VTI1B: variants seen among roughly 807,000 people sequenced by gnomAD.
VTI1B encodes vesicle transport through interaction with t-SNAREs 1B, also known as vesicle transport through interaction with t-SNAREs homolog 1B.
Under a neutral mutation model 28.6 loss-of-function variants are expected in VTI1B, and 18 were observed. That is an observed-to-expected ratio of 0.63 (90% CI 0.43 to 0.93). The LOEUF (loss-of-function observed/expected upper bound fraction) is 0.93. Ranked by LOEUF, VTI1B falls within the 40% of genes least tolerant of loss-of-function variation. The pLI, the probability that VTI1B is intolerant of heterozygous loss-of-function variation, is 0.00. For synonymous variants in VTI1B, 100 were observed against 107.9 expected (o/e 0.93, Z 0.46); for missense variants, 283 against 297.0 (o/e 0.95, Z 0.35).
chr14:67,670,653 T>C (rs2037454469), intron 1 of VTI1B, among the ~76,000 whole-genome samples: 1 of 151,992 alleles, frequency 6.6e-6, no homozygotes, highest in South Asian at 2.1e-4. Context: ...CTCAGCCTCC[T>C]GAGTAGCTGG....
In VTI1B at chr14:67,650,844, G is replaced by A. The variant is rs1243522412; in HGVS notation, c.*541C>T. 1 of 1,613,928 alleles carries A rather than the reference G, an allele frequency of 6.2e-7. No individual in the cohort carries two copies. Among genetic ancestry groups the A allele is most frequent in the East Asian group, 2.2e-5 (1 of 44,840 alleles). ...AGCTTTGGTCAGACAAGAGAAGGAG[G>A]GCATATTGTCTATGACCAACTTCCT... is the stretch of plus-strand genomic sequence containing the variant. On this transcript the variant is annotated 3_prime_UTR_variant, in exon 6 of 6. Transcript: ENST00000554659.
chr14:67,665,842 T>C (rs2037395822), intron 1 of VTI1B, among the ~76,000 whole-genome samples: 1 of 152,080 alleles, frequency 6.6e-6, no homozygotes, highest in South Asian at 2.1e-4. Context: ...ACAAAACCCA[T>C]GGCTGTTTGT....
At position 67,651,023 on chromosome 14, in the gene VTI1B, A is replaced by G. The variant is rs1244174036; in HGVS notation, c.*362T>C. ...TGGTTGTCTGGGTCAATACTGCCTT[A>G]ATGAGAACATTTACACATTCTCACA... On this transcript the variant is annotated 3_prime_UTR_variant, in exon 6 of 6. Coordinates refer to ENST00000554659, the MANE Select transcript of VTI1B (RefSeq NM_006370.3). 5.8e-6 allele frequency: 7 copies of G among 1,199,548 alleles called. No individual in the cohort carries two copies. Among genetic ancestry groups the G allele is most frequent in the Non-Finnish European group, 7.1e-6 (6 of 840,512 alleles). 74.3% of individuals were successfully genotyped at this position (1,199,548 alleles called of 1,614,324 possible). A position where few individuals can be genotyped will look rare whatever the true frequency, so the allele number is the denominator to read the frequency against.
chr14:67,666,459 C>T (rs2037403071), intron 1 of VTI1B, among the ~76,000 whole-genome samples: 1 of 152,196 alleles, frequency 6.6e-6, no homozygotes, highest in South Asian at 2.1e-4. Flanking sequence ...TACAGAACTT[C>T]ACTACATTTA....
At chr14:67,658,092 A>G (rs2037288020) in intron 3 of VTI1B, among the ~76,000 whole-genome samples, 1 of 152,170 alleles carries the variant, frequency 6.6e-6, no homozygotes, top group South Asian at 2.1e-4. Flanking sequence ...AGACCAGTAG[A>G]CGAGGAAACC....
In VTI1B at chr14:67,660,350, C is replaced by T. The variant is rs564762189; in HGVS notation, c.175-428G>A. Among the ~76,000 whole-genome samples the T allele has an allele frequency of 1.0e-3, 155 of 152,054 alleles. 1 individual carries two copies. Among genetic ancestry groups the T allele is most frequent in the Non-Finnish European group, 1.7e-3 (118 of 67,974 alleles). On this transcript the variant is annotated intron_variant, in intron 2 of 5. Transcript: ENST00000554659. ...CTGTAATCCTGGCACTTTGGGAAGC[C>T]GAGGCAGGAGGATCACTTGAGCACA...
At chr14:67,674,030 T>C (rs1376824794) in intron 1 of VTI1B, among the ~76,000 whole-genome samples, 1 of 152,246 alleles carries the variant, frequency 6.6e-6, no homozygotes, top group East Asian at 1.9e-4. Context: ...GTCTTGAGAC[T>C]AGTGCTTTTA....
In VTI1B at chr14:67,656,442, C is replaced by G; in HGVS notation, c.514G>C (p.Asp172His). Residue 172 changes from aspartate to histidine, a missense_variant, in exon 4 of 6, where the codon GAC becomes CAC. Physicochemically the swap from Asp to His is moderately conservative, Grantham distance 81. Transcript: ENST00000554659. ...EIIEELGEQR[D>H]QLERTKSRLV... ...CTACTCTTGGTACGTTCTAACTGGT[C>G]TCGTTGTTCCCCCAGCTCTTCTATG... is the stretch of plus-strand genomic sequence containing the variant. 3 of 1,613,276 alleles carry G rather than the reference C, an allele frequency of 1.9e-6. No homozygotes were observed. Among genetic ancestry groups the G allele is most frequent in the Non-Finnish European group, 2.5e-6 (3 of 1,179,598 alleles).
chr14:67,662,024 C>T (rs1024706691), intron 2 of VTI1B, among the ~76,000 whole-genome samples: 69 of 152,040 alleles, frequency 4.5e-4, no homozygotes, highest in African/African-American at 1.6e-3. Context: ...GGTGTGGTGG[C>T]GCCCACCTGT....
intron 1 of VTI1B, among the ~76,000 whole-genome samples, chr14:67,667,383 G>A (rs886623322): frequency 5.3e-5 from 8 of 152,020 alleles, no homozygotes; most frequent in African/African-American, 7.3e-5. Context: ...TTTGTACACC[G>A]TGACAGCTGA....
rs753722710 is a variant in VTI1B at position 67,662,477 on chromosome 14, C to T, written c.174G>A (p.Thr58=). Residue 58 remains threonine, a splice_region_variant and synonymous_variant, in exon 2 of 6, where the codon ACG becomes ACA. Coordinates refer to ENST00000554659, the MANE Select transcript of VTI1B (RefSeq NM_006370.3). ...AACAAAATTTGTTCCTTGTTCTCAC[C>T]GTTTCATTTGCTTCCTGTTGCTTTT... ...FDEKQQEANE[T]LAEMEEELRY... The T allele has an allele frequency of 1.9e-6, 3 of 1,612,300 alleles. No individual in the cohort carries two copies. The highest frequency in any genetic ancestry group is 3.4e-5 in the Admixed American group (2 of 59,466).
At chr14:67,663,385 GT>G in intron 1 of VTI1B, among the ~76,000 whole-genome samples, 1 of 152,160 alleles carries the variant, frequency 6.6e-6, no homozygotes, top group South Asian at 2.1e-4. Context: ...GAAAATGTAA[GT>G]GACAAGGCTG....
intron 2 of VTI1B, among the ~76,000 whole-genome samples, chr14:67,662,155 C>G (rs1317812612): frequency 7.1e-6 from 1 of 141,706 alleles, no homozygotes; most frequent in African/African-American, 2.7e-5. Flanking sequence ...GACTCTGTCT[C>G]AAAACAAACA....
chr14:67,650,850 T>TTGTCTATGACCAACTTCC lies in VTI1B; in HGVS notation c.*517_*534dup. ...GGTCAGACAAGAGAAGGAGGGCATA[T>TTGTCTATGACCAACTTCC]TGTCTATGACCAACTTCCTACTCCC... On this transcript the variant is annotated 3_prime_UTR_variant, in exon 6 of 6. Coordinates refer to ENST00000554659, the MANE Select transcript of VTI1B (RefSeq NM_006370.3). The TTGTCTATGACCAACTTCC allele has an allele frequency of 6.2e-7, 1 of 1,614,200 alleles. No individual in the cohort carries two copies. Among genetic ancestry groups the TTGTCTATGACCAACTTCC allele is most frequent in the Non-Finnish European group, 8.5e-7 (1 of 1,180,024 alleles).
At chr14:67,655,028 C>CTAA (rs2037236657) in intron 4 of VTI1B, among the ~76,000 whole-genome samples, 1 of 43,504 alleles carries the variant, frequency 2.3e-5, no homozygotes, top group Non-Finnish European at 3.8e-5. Flanking sequence ...GACTCCATCT[C>CTAA]AAAAAAAAAA....
intron 1 of VTI1B, 69 bp downstream of exon 1, chr14:67,674,306 G>T: frequency 1.4e-6 from 2 of 1,395,100 alleles, no homozygotes; most frequent in East Asian, 5.3e-5. Flanking sequence ...CTGGGAGGAA[G>T]GTGGGAGAAT....
rs761870615 is a variant in VTI1B at position 67,650,889 on chromosome 14, A to C, written c.*496T>G. 6.2e-7 allele frequency: 1 copy of C among 1,614,124 alleles called. No individual in the cohort carries two copies. Among genetic ancestry groups the C allele is most frequent in the Admixed American group, 1.7e-5 (1 of 60,024 alleles). ...CTTCCTACTCCCAGTTCACCAGATG[A>C]ATCAGAAAATCAAGCACGTGTGAGA... On this transcript the variant is annotated 3_prime_UTR_variant, in exon 6 of 6. Coordinates refer to ENST00000554659, the MANE Select transcript of VTI1B (RefSeq NM_006370.3).
intron 1 of VTI1B, among the ~76,000 whole-genome samples, chr14:67,670,290 A>C (rs569357697): frequency 6.6e-6 from 1 of 152,170 alleles, no homozygotes; most frequent in South Asian, 2.1e-4. Context: ...TCTCAATGTG[A>C]CACTGAGATC....
rs200692340 is a variant in VTI1B at position 67,651,493 on chromosome 14, A to C, written c.603-12T>G. On this transcript the variant is annotated splice_polypyrimidine_tract_variant and intron_variant, in intron 5 of 5. Coordinates refer to ENST00000554659, the MANE Select transcript of VTI1B (RefSeq NM_006370.3). The stretch of plus-strand genomic sequence containing the variant: ...TGTTGGTTGTCACTCTACAAAGAGA[A>C]GCAAAGTGGGGAGTAGTCAGAAGTT... 1.2e-6 allele frequency: 2 copies of C among 1,613,168 alleles called. No homozygotes were observed. The highest frequency in any genetic ancestry group is 1.7e-6 in the Non-Finnish European group (2 of 1,179,320).
Sources: allele counts gnomAD v4.1 joint callset (sites outside exome capture counted in the v4.1 genomes callset), GRCh38; gene constraint gnomAD v4.1.1; transcripts MANE v1.5; gene names NCBI Gene and HGNC (gene_info 2026-07-23, HGNC 2026-07-21).